Variants in DGKH observed in about 807,000 individuals in gnomAD.
DGKH encodes the protein DAG kinase eta.
A neutral mutation model predicts 159.3 loss-of-function variants in DGKH; 90 were observed. The observed-to-expected ratio is 0.57, with a 90% CI of 0.48 to 0.67. The LOEUF is 0.67. DGKH is among the 30% of genes least tolerant of loss of function. The pLI is 0.00. For missense variants in DGKH, 1,181 were observed against 1,506.1 expected (o/e 0.78, Z 3.57); for synonymous variants, 536 against 553.8 (o/e 0.97, Z 0.45).
intron 1 of DGKH, among the ~76,000 whole-genome samples, chr13:42,088,623 T>TA (rs1201748260): frequency 6.6e-6 from 1 of 150,552 alleles, no homozygotes; most frequent in East Asian, 1.9e-4. Flanking sequence ...ATAGAAACAC[T>TA]AAAAAAAAGA....
At chr13:42,058,031 C>T (rs1354714139) in intron 1 of DGKH, among the ~76,000 whole-genome samples, 1 of 152,124 alleles carries the variant, frequency 6.6e-6, no homozygotes, top group African/African-American at 2.4e-5. Flanking sequence ...AGTTCTTAGC[C>T]TGGGTTCATG....
chr13:42,122,092 C>T (rs1344704120), intron 1 of DGKH, among the ~76,000 whole-genome samples: 1 of 152,170 alleles, frequency 6.6e-6, no homozygotes, highest in Non-Finnish European at 1.5e-5. Flanking sequence ...AGCTAGACTA[C>T]ATAATTTCTG....
intron 1 of DGKH, among the ~76,000 whole-genome samples, chr13:42,100,220 G>A (rs908481920): frequency 1.3e-5 from 2 of 152,128 alleles, no homozygotes; most frequent in African/African-American, 2.4e-5. Context: ...TGCATGCCAG[G>A]GATCTAGGTT....
At chr13:42,101,394 G>A (rs1954649722) in intron 1 of DGKH, among the ~76,000 whole-genome samples, 1 of 152,210 alleles carries the variant, frequency 6.6e-6, no homozygotes, top group Non-Finnish European at 1.5e-5. Flanking sequence ...TAGTACAGTA[G>A]CCACTAGCTA....
At chr13:42,072,753 A>G (rs2064952033) in intron 1 of DGKH, among the ~76,000 whole-genome samples, 2 of 152,220 alleles carry the variant, frequency 1.3e-5, no homozygotes, top group African/African-American at 4.8e-5. Flanking sequence ...TTTTAAACAA[A>G]AGAAAAAGGG....
intron 1 of DGKH, among the ~76,000 whole-genome samples, chr13:42,061,468 A>G (rs1299426570): frequency 6.6e-6 from 1 of 152,188 alleles, no homozygotes; most frequent in Non-Finnish European, 1.5e-5. Flanking sequence ...CTATCTGTCT[A>G]AGTAATTTCT....
At chr13:42,216,608 AG>A (rs1336700010) in intron 26 of DGKH, 8 of 152,178 alleles carry the variant, frequency 5.3e-5, no homozygotes, top group Non-Finnish European at 1.2e-4. Context: ...GGTCCAGAAA[AG>A]TGCCACCTTT....
At chr13:42,172,620 C>T (rs1956490947) in intron 11 of DGKH, among the ~76,000 whole-genome samples, 1 of 152,122 alleles carries the variant, frequency 6.6e-6, no homozygotes, top group Non-Finnish European at 1.5e-5. Context: ...TCTTAAAATT[C>T]ATTTGTTAAG....
chr13:42,207,121 C>CCT lies in DGKH; in HGVS notation c.2601+975_2601+976insCT, dbSNP rs1957516540. 4.0e-5 allele frequency among the ~76,000 whole-genome samples: 2 copies of CCT among 50,068 alleles called. 1 individual carries two copies. The highest frequency in any genetic ancestry group is 1.5e-4 in the African/African-American group (2 of 12,972). The allele number at this position is 50,068 out of a possible 152,430, so 32.8% of individuals were successfully genotyped here. ...TCTTTCTTTCTTTCTTTCTCTTTCT[C>CCT]TCTCCTTCCTTCCTTCCTTCCTTCC... On this transcript the variant is annotated intron_variant, in intron 21 of 29. Transcript: ENST00000337343.
chr13:42,135,802 TTAATC>T (rs1217839904), intron 3 of DGKH, among the ~76,000 whole-genome samples: 1 of 152,160 alleles, frequency 6.6e-6, no homozygotes, highest in East Asian at 1.9e-4. Flanking sequence ...CTCCTGATGT[TTAATC>T]TAAGGCTCTT....
At chr13:42,144,311 G>A (rs561105878) in intron 3 of DGKH, among the ~76,000 whole-genome samples, 8 of 152,148 alleles carry the variant, frequency 5.3e-5, no homozygotes, top group African/African-American at 1.2e-4. Context: ...CCTATGCCTC[G>A]TGAACAACCC....
At chr13:42,049,944 C>G (rs1881145516) in intron 1 of DGKH, among the ~76,000 whole-genome samples, 1 of 152,150 alleles carries the variant, frequency 6.6e-6, no homozygotes, top group South Asian at 2.1e-4. Context: ...ATATTGAAAA[C>G]GGAACCACAA....
intron 30 of DGKH, among the ~76,000 whole-genome samples, chr13:42,255,694 T>G (rs1463205744): frequency 6.6e-6 from 1 of 152,234 alleles, no homozygotes; most frequent in Non-Finnish European, 1.5e-5. Context: ...AAGTCCCTTC[T>G]TCATACCATA....
chr13:42,151,523 A>AC (rs1212138401), intron 3 of DGKH, among the ~76,000 whole-genome samples: 33 of 100,986 alleles, frequency 3.3e-4, no homozygotes, highest in African/African-American at 1.0e-3. Context: ...ATGTATATAT[A>AC]TACACGTGTA....
intron 11 of DGKH, among the ~76,000 whole-genome samples, chr13:42,172,130 T>C (rs1350029639): frequency 1.3e-5 from 2 of 150,916 alleles, no homozygotes; most frequent in South Asian, 4.2e-4. Flanking sequence ...ACCCAGCCTC[T>C]TTTTTTTGAG....
chr13:42,238,824 G>A lies in DGKH; in HGVS notation c.*9636G>A, dbSNP rs1442423310. 1 of 152,106 alleles carries A rather than the reference G, an allele frequency of 6.6e-6. No individual in the cohort carries two copies. Among genetic ancestry groups the A allele is most frequent in the Non-Finnish European group, 1.5e-5 (1 of 67,980 alleles). The allele number at this position is 152,106 out of a possible 1,614,324, so 9.4% of individuals were successfully genotyped here. The stretch of plus-strand genomic sequence containing the variant: ...TAGTTATACATGAGAGTCAGTGAAC[G>A]ATGACTTGATTTTTACATGACATTT... On this transcript the variant is annotated 3_prime_UTR_variant, in exon 30 of 30. Transcript: ENST00000337343.
intron 17 of DGKH, among the ~76,000 whole-genome samples, chr13:42,196,575 C>A (rs1239596830): frequency 6.6e-6 from 1 of 152,102 alleles, no homozygotes; most frequent in African/African-American, 2.4e-5. Context: ...ATAGTCATAA[C>A]GCATAGAGAC....
At chr13:42,156,940 C>T (rs1026009819) in intron 5 of DGKH, among the ~76,000 whole-genome samples, 5 of 152,214 alleles carry the variant, frequency 3.3e-5, no homozygotes, top group African/African-American at 7.2e-5. Flanking sequence ...CTCTCCTCAT[C>T]GATAAGATGG....
At chr13:42,228,501 T>C (rs1958192843) in intron 29 of DGKH, among the ~76,000 whole-genome samples, 2 of 152,180 alleles carry the variant, frequency 1.3e-5, no homozygotes, top group Non-Finnish European at 2.9e-5. Context: ...GTCTCACTTT[T>C]AAATTTAATA....
Sources: gnomAD v4.1 joint callset for allele counts (sites outside exome capture counted in the v4.1 genomes callset) on GRCh38, gnomAD v4.1.1 for gene constraint, MANE v1.5 for transcripts, NCBI Gene and HGNC (gene_info 2026-07-23, HGNC 2026-07-21) for gene names.